COLEC10: variants seen among roughly 807,000 people sequenced by gnomAD.
The protein encoded by COLEC10 is collectin-10.
COLEC10 carries 22 observed loss-of-function variants against 28.4 expected under a neutral mutation model. The observed-to-expected ratio is 0.78, with a 90% CI of 0.55 to 1.11. COLEC10 has a LOEUF of 1.11. COLEC10 is among the 50% of genes least tolerant of loss of function. The pLI, the probability that COLEC10 is intolerant of heterozygous loss-of-function variation, is 0.00. For missense variants in COLEC10, 361 were observed against 344.1 expected, an observed-to-expected ratio of 1.05 and a Z score of -0.39; for synonymous variants, 125 against 116.1, an observed-to-expected ratio of 1.08 and a Z score of -0.49.
At chr8:119,046,221 T>G (rs77920854) in intron 2 of COLEC10, among the ~76,000 whole-genome samples, 4,413 of 152,258 alleles carry the variant, frequency 0.029, 120 homozygotes, top group East Asian at 0.16. Context: ...CACCACTGTC[T>G]GTCTCCATTT....
the COLEC10 span, among the ~76,000 whole-genome samples, chr8:118,982,336 T>C: frequency 6.6e-6 from 1 of 152,036 alleles, no homozygotes; most frequent in Non-Finnish European, 1.5e-5. Context: ...AAAGAAAAAC[T>C]CAAAATGAAA....
chr8:119,073,481 A>G lies in COLEC10; in HGVS notation c.148+6052A>G, dbSNP rs540005578. 9.8e-5 allele frequency among the ~76,000 whole-genome samples: 15 copies of G among 152,302 alleles called. No homozygotes were observed. In the South Asian group the frequency reaches 3.1e-3, roughly 32 times the overall value. On this transcript the variant is annotated intron_variant, in intron 1 of 5. Coordinates refer to ENST00000332843, the MANE Select transcript of COLEC10 (RefSeq NM_006438.5). ...TTTCCCAAAACTTTTTATTAATTGT[A>G]TTAATTCACTAGATTCTTTCATTAT...
the COLEC10 span, among the ~76,000 whole-genome samples, chr8:118,979,459 CAAT>C: frequency 1.9e-4 from 28 of 151,114 alleles, no homozygotes; most frequent in East Asian, 2.5e-3. Flanking sequence ...GTAAGGTAAA[CAAT>C]AATAATAATA....
intron 1 of COLEC10, among the ~76,000 whole-genome samples, chr8:119,077,522 C>G (rs1261529432): frequency 6.6e-6 from 1 of 152,134 alleles, no homozygotes; most frequent in African/African-American, 2.4e-5. Context: ...TATATCCTTT[C>G]TGGTCTTAAT....
intron 2 of COLEC10, among the ~76,000 whole-genome samples, chr8:119,055,883 C>T (rs537725013): frequency 2.7e-4 from 41 of 152,054 alleles, no homozygotes; most frequent in African/African-American, 8.0e-4. Context: ...ATTTTTTGAG[C>T]TCTCATTCAC....
chr8:118,970,723 T>C, the COLEC10 span, among the ~76,000 whole-genome samples: 18 of 151,996 alleles, frequency 1.2e-4, no homozygotes, highest in South Asian at 3.7e-3. Flanking sequence ...AATGATATAA[T>C]ATCCTTTCAT....
chr8:119,035,541 C>A (rs997567455), intron 2 of COLEC10, among the ~76,000 whole-genome samples: 12 of 124,798 alleles, frequency 9.6e-5, no homozygotes, highest in Admixed American at 8.9e-4. Flanking sequence ...TTCTCAGAGA[C>A]CTTTGATGTC....
At chr8:118,982,591 G>T in the COLEC10 span, 1 of 194,196 alleles carries the variant, frequency 5.1e-6, no homozygotes, top group South Asian at 1.2e-4. Flanking sequence ...TTTTCCTTCT[G>T]AAAAGCTGTC....
At chr8:119,033,347 T>G (rs1587009113) in intron 2 of COLEC10, among the ~76,000 whole-genome samples, 1 of 116,780 alleles carries the variant, frequency 8.6e-6, no homozygotes, top group East Asian at 2.9e-4. Context: ...GGCAAAGACT[T>G]CATGACTATA....
chr8:118,956,346 T>C, the COLEC10 span, among the ~76,000 whole-genome samples: 25,240 of 152,100 alleles, frequency 0.17, 2,141 homozygotes, highest in African/African-American at 0.22. Context: ...TTCTCTGAAC[T>C]TCACCCTGCT....
At chr8:118,979,366 A>G in the COLEC10 span, among the ~76,000 whole-genome samples, 2 of 152,002 alleles carry the variant, frequency 1.3e-5, no homozygotes, top group Non-Finnish European at 2.9e-5. Context: ...GTGTAATGAC[A>G]TCCAATATTC....
intron 1 of COLEC10, among the ~76,000 whole-genome samples, chr8:118,998,577 G>A (rs1209397586): frequency 2.6e-5 from 4 of 151,808 alleles, no homozygotes; most frequent in Non-Finnish European, 5.9e-5. Context: ...GGTGGCTCAC[G>A]CCTGTAATCC....
chr8:119,096,783 A>G (rs1448551879), intron 3 of COLEC10, among the ~76,000 whole-genome samples: 1 of 152,076 alleles, frequency 6.6e-6, no homozygotes, highest in Non-Finnish European at 1.5e-5. Context: ...AAAAAGGTCA[A>G]AAGAATAGTC....
At chr8:119,065,676 G>A (rs1010796905), upstream of COLEC10, among the ~76,000 whole-genome samples, 3 of 151,868 alleles carry the variant, frequency 2.0e-5, no homozygotes. Context: ...GGCCAACCTG[G>A]TGAAACCCCA....
intron 2 of COLEC10, among the ~76,000 whole-genome samples, chr8:119,023,140 A>G (rs1040585026): frequency 6.6e-6 from 1 of 152,014 alleles, no homozygotes; most frequent in African/African-American, 2.4e-5. Flanking sequence ...AACATTACAC[A>G]TTGTCCGTCA....
intron 3 of COLEC10, among the ~76,000 whole-genome samples, chr8:119,098,077 G>T (rs768049110): frequency 6.6e-6 from 1 of 151,894 alleles, no homozygotes; most frequent in Admixed American, 6.6e-5. Context: ...CCAGATTAAA[G>T]TTATTGTTTC....
chr8:119,095,438 C>A (rs1358772153), intron 3 of COLEC10, among the ~76,000 whole-genome samples: 1 of 152,174 alleles, frequency 6.6e-6, no homozygotes, highest in African/African-American at 2.4e-5. Flanking sequence ...CACGGTGGCT[C>A]ATGCTTTTAA....
intron 3 of COLEC10, among the ~76,000 whole-genome samples, chr8:119,091,573 A>AAGAG (rs765113777): frequency 1.3e-3 from 188 of 140,634 alleles, no homozygotes; most frequent in South Asian, 2.4e-3. Flanking sequence ...GAAAGAAAGA[A>AAGAG]AGAGAGAGAG....
chr8:118,966,858 G>A, the COLEC10 span, among the ~76,000 whole-genome samples: 28,779 of 151,958 alleles, frequency 0.19, 2,856 homozygotes, highest in East Asian at 0.32. Context: ...GCTGGCTTAC[G>A]TTTAAGCCTT....
Sources: gnomAD v4.1 joint callset for allele counts (sites outside exome capture counted in the v4.1 genomes callset) on GRCh38, gnomAD v4.1.1 for gene constraint, MANE v1.5 for transcripts, NCBI Gene and HGNC (gene_info 2026-07-23, HGNC 2026-07-21) for gene names.